The following LRP1B variants were observed in gnomAD, a reference collection of about 807,000 sequenced individuals.
LRP1B encodes low-density lipoprotein receptor-related protein 1B.
In LRP1B, 217 loss-of-function variants were observed where a neutral mutation model predicts 556.6. The observed-to-expected ratio is 0.39, with a 90% CI of 0.35 to 0.44. The LOEUF (loss-of-function observed/expected upper bound fraction) is 0.44, where lower values mean the gene tolerates loss of function less well. Among genes scored for constraint, LRP1B ranks in the 20% least tolerant of loss-of-function variants. The pLI is 1.00. For missense variants in LRP1B, 5,053 were observed against 5,620.8 expected (o/e 0.90, Z 3.23); for synonymous variants, 2,047 against 1,865.8 (o/e 1.10, Z -2.50).
chr2:140,613,322 AAT>A (rs1683134728), intron 41 of LRP1B, among the ~76,000 whole-genome samples: 1 of 116,558 alleles, frequency 8.6e-6, no homozygotes, highest in Non-Finnish European at 1.9e-5. Context: ...TAATTATATA[AAT>A]ATATATAATT....
chr2:140,603,543 T>A (rs907088914), intron 41 of LRP1B, among the ~76,000 whole-genome samples: 2 of 152,102 alleles, frequency 1.3e-5, no homozygotes, highest in Non-Finnish European at 2.9e-5. Context: ...TGATTCTACA[T>A]CTTCTCTTCC....
chr2:141,017,218 A>T (rs1573985052), intron 12 of LRP1B, among the ~76,000 whole-genome samples: 1 of 30,778 alleles, frequency 3.2e-5, no homozygotes, highest in Non-Finnish European at 9.2e-5. Flanking sequence ...AATTCTATGT[A>T]GTTAGGTATA....
intron 72 of LRP1B, among the ~76,000 whole-genome samples, chr2:140,364,013 C>G (rs1185875124): frequency 6.6e-6 from 1 of 151,564 alleles, no homozygotes; most frequent in Non-Finnish European, 1.5e-5. Flanking sequence ...TGTTGCTGAT[C>G]TAAAATTAGA....
chr2:141,908,438 T>A (rs763410234), intron 1 of LRP1B, among the ~76,000 whole-genome samples: 2 of 151,920 alleles, frequency 1.3e-5, no homozygotes, highest in Non-Finnish European at 2.9e-5. Context: ...CTTTTCTTCA[T>A]GGATCTCACA....
At chr2:140,971,157 G>A (rs1696410961) in intron 18 of LRP1B, among the ~76,000 whole-genome samples, 1 of 152,196 alleles carries the variant, frequency 6.6e-6, no homozygotes, top group African/African-American at 2.4e-5. Flanking sequence ...GTAAAGTTAA[G>A]GATCTCAGTA....
chr2:141,326,472 T>C (rs1053397427), intron 3 of LRP1B, among the ~76,000 whole-genome samples: 2 of 152,072 alleles, frequency 1.3e-5, no homozygotes, highest in African/African-American at 4.8e-5. Context: ...ATGGACAGAA[T>C]GAAAGATTTA....
chr2:141,738,495 C>A (rs988962729), intron 2 of LRP1B, among the ~76,000 whole-genome samples: 1 of 151,806 alleles, frequency 6.6e-6, no homozygotes, highest in African/African-American at 2.4e-5. Flanking sequence ...GAACAGCATG[C>A]GACAAGTAAG....
At chr2:140,466,369 G>T (rs1232220039) in intron 60 of LRP1B, among the ~76,000 whole-genome samples, 1 of 151,938 alleles carries the variant, frequency 6.6e-6, no homozygotes. Context: ...TTATGATTTA[G>T]ATTTTTAAAT....
intron 1 of LRP1B, among the ~76,000 whole-genome samples, chr2:141,854,341 G>A (rs1174165152): frequency 1.3e-5 from 2 of 151,838 alleles, no homozygotes; most frequent in Non-Finnish European, 2.9e-5. Context: ...CAAAAGCAAG[G>A]GGGGAAAAAG....
chr2:141,265,534 C>T (rs1423604501), intron 3 of LRP1B, among the ~76,000 whole-genome samples: 2 of 152,136 alleles, frequency 1.3e-5, no homozygotes, highest in African/African-American at 2.4e-5. Flanking sequence ...TTCTACTGAA[C>T]GTCCTGAACA....
intron 1 of LRP1B, among the ~76,000 whole-genome samples, chr2:142,063,419 T>TA (rs1224709188): frequency 5.3e-5 from 8 of 151,590 alleles, no homozygotes; most frequent in African/African-American, 1.9e-4. Context: ...GGACTGCTAA[T>TA]GAGTAGCACT....
rs775903898 is a variant in LRP1B at position 140,475,247 on chromosome 2, C to A, written c.9516G>T (p.Lys3172Asn). Residue 3172 changes from lysine to asparagine, a missense_variant, in exon 60 of 91, where the codon AAG becomes AAT. Lys to Asn is a moderately conservative substitution (Grantham distance 94). This residue lies in a region of LRP1B where 3,619 missense variants were observed against 3,931.9 expected (regional missense o/e 0.92). Transcript: ENST00000389484. ...GTNQSVVIET[K>N]ISRPMALTID... ...TTGTTAGTGCCATAGGTCTAGAAAT[C>A]TTGGTTTCTATGACAACACTCTGAT... 6.2e-7 allele frequency: 1 copy of A among 1,612,208 alleles called. No homozygotes were observed. The highest frequency in any genetic ancestry group is 1.1e-5 in the South Asian group (1 of 90,986).
At chr2:140,730,889 C>T (rs1431425766) in intron 35 of LRP1B, among the ~76,000 whole-genome samples, 3 of 152,074 alleles carry the variant, frequency 2.0e-5, no homozygotes, top group African/African-American at 7.2e-5. Flanking sequence ...AGAGTGTGCG[C>T]CTTGCTCCCC....
At chr2:141,154,717 A>G (rs1372328049) in intron 7 of LRP1B, among the ~76,000 whole-genome samples, 1 of 151,894 alleles carries the variant, frequency 6.6e-6, no homozygotes, top group Non-Finnish European at 1.5e-5. Flanking sequence ...AGCCAGAATC[A>G]TCCTCTAATT....
intron 3 of LRP1B, among the ~76,000 whole-genome samples, chr2:141,393,116 G>A (rs971742102): frequency 6.6e-6 from 1 of 152,048 alleles, no homozygotes; most frequent in Non-Finnish European, 1.5e-5. Flanking sequence ...AGATTATATT[G>A]GGCAGAAGCT....
intron 2 of LRP1B, among the ~76,000 whole-genome samples, chr2:141,795,773 G>A (rs4622655): frequency 0.19 from 28,349 of 146,700 alleles, 3,184 homozygotes; most frequent in East Asian, 0.4. Context: ...TATGCAGGCT[G>A]AACCAGTTTT....
At chr2:141,536,244 A>G (rs975088024) in intron 2 of LRP1B, among the ~76,000 whole-genome samples, 5 of 152,094 alleles carry the variant, frequency 3.3e-5, no homozygotes, top group Admixed American at 6.6e-5. Flanking sequence ...TAACCTGAGC[A>G]TTGACTTACA....
At chr2:141,645,544 A>G (rs1316128846) in intron 2 of LRP1B, among the ~76,000 whole-genome samples, 1 of 141,588 alleles carries the variant, frequency 7.1e-6, no homozygotes, top group Non-Finnish European at 1.5e-5. Flanking sequence ...CCATTTCTCC[A>G]AAGGTAGGCT....
chr2:140,481,451 A>T (rs1688235692), intron 59 of LRP1B, among the ~76,000 whole-genome samples: 1 of 152,072 alleles, frequency 6.6e-6, no homozygotes, highest in Non-Finnish European at 1.5e-5. Context: ...GCCTATCTAA[A>T]CTATAAGGAA....
Sources: gnomAD v4.1 joint callset for allele counts (sites outside exome capture counted in the v4.1 genomes callset) on GRCh38, gnomAD v4.1.1 for gene constraint, gnomAD v4.1.1 regional missense constraint, MANE v1.5 for transcripts, NCBI Gene and HGNC (gene_info 2026-07-23, HGNC 2026-07-21) for gene names.